COMMD1: variants seen among roughly 807,000 people sequenced by gnomAD.
COMMD1 encodes the protein copper metabolism domain containing 1, also known as COMM domain-containing protein 1.
COMMD1 carries 10 observed loss-of-function variants against 17.2 expected under a neutral mutation model. The observed-to-expected ratio is 0.58, with a 90% CI of 0.36 to 0.99. COMMD1 has a LOEUF of 0.99. COMMD1 is among the 50% of genes least tolerant of loss of function. The pLI, the probability that COMMD1 is intolerant of heterozygous loss-of-function variation, is 0.01. For missense variants in COMMD1, 270 were observed against 231.8 expected, an observed-to-expected ratio of 1.17 and a Z score of -1.07; for synonymous variants, 97 against 91.6, an observed-to-expected ratio of 1.06 and a Z score of -0.34.
chr2:62,012,377 G>T (rs575864620), intron 2 of COMMD1, among the ~76,000 whole-genome samples: 1 of 149,878 alleles, frequency 6.7e-6, no homozygotes, highest in South Asian at 2.1e-4. Flanking sequence ...GCCCAGGCTG[G>T]AGTGCAGTGG....
At chr2:62,009,632 A>T (rs1337133090) in intron 2 of COMMD1, among the ~76,000 whole-genome samples, 1 of 151,702 alleles carries the variant, frequency 6.6e-6, no homozygotes, top group Non-Finnish European at 1.5e-5. Flanking sequence ...AGAATAAGAA[A>T]TTTTGTTTCC....
intron 1 of COMMD1, among the ~76,000 whole-genome samples, chr2:61,893,302 G>T (rs1211209954): frequency 6.6e-6 from 1 of 151,780 alleles, no homozygotes; most frequent in Non-Finnish European, 1.5e-5. Context: ...AACCTTCCCA[G>T]TTAAAATATT....
intron 1 of COMMD1, among the ~76,000 whole-genome samples, chr2:61,936,857 T>A (rs1191673472): frequency 1.3e-5 from 2 of 152,230 alleles, no homozygotes; most frequent in South Asian, 4.1e-4. Flanking sequence ...GACCTGCCCA[T>A]GACATAATCT....
chr2:61,928,089 T>C (rs1670374694), intron 1 of COMMD1, among the ~76,000 whole-genome samples: 1 of 151,714 alleles, frequency 6.6e-6, no homozygotes, highest in African/African-American at 2.4e-5. Flanking sequence ...TAAAGACCAG[T>C]GTGATAGTAA....
chr2:61,963,802 G>T (rs749746977), intron 1 of COMMD1, among the ~76,000 whole-genome samples: 8 of 152,222 alleles, frequency 5.3e-5, no homozygotes, highest in Non-Finnish European at 1.0e-4. Context: ...AGTCAAAGGA[G>T]AAAAGAGGCC....
chr2:62,019,585 G>A (rs1157016732), intron 2 of COMMD1, among the ~76,000 whole-genome samples: 1 of 152,140 alleles, frequency 6.6e-6, no homozygotes, highest in African/African-American at 2.4e-5. Flanking sequence ...TGGGGTTTAA[G>A]TTTCTAACAC....
chr2:61,919,685 T>C (rs1178970697), intron 1 of COMMD1, among the ~76,000 whole-genome samples: 2 of 152,118 alleles, frequency 1.3e-5, no homozygotes. Context: ...GCCCTGAGTT[T>C]TGCTTCTTTT....
intron 2 of COMMD1, among the ~76,000 whole-genome samples, chr2:62,129,325 G>C (rs897909558): frequency 2.6e-5 from 4 of 152,124 alleles, no homozygotes; most frequent in Admixed American, 6.6e-5. Context: ...AATTTTTTGA[G>C]AACAGCCCCA....
chr2:62,068,782 A>G (rs900604449), intron 2 of COMMD1, among the ~76,000 whole-genome samples: 1 of 151,606 alleles, frequency 6.6e-6, no homozygotes, highest in Admixed American at 6.6e-5. Flanking sequence ...ATGCCAGCAC[A>G]CCCGGCTGAT....
intron 2 of COMMD1, among the ~76,000 whole-genome samples, chr2:62,013,158 A>G (rs1449418124): frequency 1.3e-5 from 2 of 152,116 alleles, no homozygotes; most frequent in East Asian, 3.9e-4. Context: ...TCCCAGGGGG[A>G]AAATATCACT....
At chr2:62,078,083 G>A (rs1244375653) in intron 2 of COMMD1, among the ~76,000 whole-genome samples, 1 of 151,880 alleles carries the variant, frequency 6.6e-6, no homozygotes, top group Non-Finnish European at 1.5e-5. Context: ...AGACTATCCT[G>A]ACTAACACGG....
intron 2 of COMMD1, among the ~76,000 whole-genome samples, chr2:62,003,261 G>T (rs1418154628): frequency 6.6e-6 from 1 of 151,206 alleles, no homozygotes; most frequent in Non-Finnish European, 1.5e-5. Context: ...AACAAAACAG[G>T]CCGGGTGTGG....
chr2:62,086,430 G>T (rs151279532), intron 2 of COMMD1, among the ~76,000 whole-genome samples: 7,181 of 151,250 alleles, frequency 0.047, 581 homozygotes, highest in African/African-American at 0.16. Flanking sequence ...AGAATCGCGT[G>T]AACCCGGGAG....
At chr2:61,975,465 A>G (rs1215459449) in intron 1 of COMMD1, among the ~76,000 whole-genome samples, 1 of 152,136 alleles carries the variant, frequency 6.6e-6, no homozygotes, top group African/African-American at 2.4e-5. Context: ...CAAAGTGGCT[A>G]TTCCATTTTC....
At chr2:61,917,770 A>T (rs1670087135) in intron 1 of COMMD1, among the ~76,000 whole-genome samples, 1 of 152,314 alleles carries the variant, frequency 6.6e-6, no homozygotes, top group Admixed American at 6.5e-5. Context: ...ACTCCTCGTG[A>T]TCCGCCCGCC....
chr2:62,003,802 C>G (rs548136365), intron 2 of COMMD1, among the ~76,000 whole-genome samples: 2 of 152,068 alleles, frequency 1.3e-5, no homozygotes, highest in Non-Finnish European at 1.5e-5. Context: ...TTTTAAGACT[C>G]CTAGAAAGCT....
intron 1 of COMMD1, among the ~76,000 whole-genome samples, chr2:61,976,953 G>A (rs778301599): frequency 6.0e-5 from 9 of 150,200 alleles, no homozygotes; most frequent in Non-Finnish European, 1.0e-4. Flanking sequence ...CTCAGCCTCC[G>A]GAGTAGCTGG....
In COMMD1 at chr2:62,127,951, G is replaced by A. The variant is rs1420854746; in HGVS notation, c.463-7880G>A. ...GCAGGAGAATTGCTTGAACCCAGGA[G>A]ACAGAGGTTGCAGTGAGCCAAGATT... On this transcript the variant is annotated intron_variant, in intron 2 of 2. Transcript: ENST00000311832. Among the ~76,000 whole-genome samples, 7 of 149,654 alleles carry A rather than the reference G, an allele frequency of 4.7e-5. No homozygotes were observed. In the East Asian group the frequency reaches 1.4e-3, roughly 30 times the overall value.
upstream of COMMD1, among the ~76,000 whole-genome samples, chr2:61,904,567 G>A (rs992444092): frequency 9.2e-5 from 14 of 152,182 alleles, no homozygotes; most frequent in African/African-American, 3.1e-4. Flanking sequence ...ATGTAAAGAT[G>A]CAGACATCTG....
Sources: allele counts gnomAD v4.1 joint callset (sites outside exome capture counted in the v4.1 genomes callset), GRCh38; gene constraint gnomAD v4.1.1; transcripts MANE v1.5; gene names NCBI Gene and HGNC (gene_info 2026-07-23, HGNC 2026-07-21).